The following DGKB variants were observed in gnomAD, a reference collection of about 807,000 sequenced individuals.
DGKB encodes the protein diacylglycerol kinase beta.
Under a neutral mutation model 114.3 loss-of-function variants are expected in DGKB, and 67 were observed. The observed-to-expected ratio is 0.59, with a 90% confidence interval of 0.48 to 0.72. The LOEUF is 0.72. DGKB is among the 30% of genes least tolerant of loss of function. The probability of loss-of-function intolerance (pLI) is 0.00; values close to 1 mark genes in which losing one functional copy is unlikely to be tolerated. For synonymous variants in DGKB, 398 were observed against 323.1 expected (o/e 1.23, Z -2.49); for missense variants, 907 against 975.2 (o/e 0.93, Z 0.93).
At chr7:14,439,842 A>G (rs196748) in intron 21 of DGKB, among the ~76,000 whole-genome samples, 134,402 of 145,030 alleles carry the variant, frequency 0.93, 62,831 homozygotes, top group Non-Finnish European at 1. Context: ...TCCAGCCTGG[A>G]CGACAGAGTG....
intron 1 of DGKB, among the ~76,000 whole-genome samples, chr7:14,966,659 T>C (rs886919640): frequency 2.0e-5 from 3 of 152,094 alleles, no homozygotes; most frequent in Non-Finnish European, 4.4e-5. Context: ...CTGCTTCCAT[T>C]AGAACAGACT....
At chr7:14,158,526 T>A (rs1783384251) in intron 25 of DGKB, among the ~76,000 whole-genome samples, 1 of 152,202 alleles carries the variant, frequency 6.6e-6, no homozygotes, top group East Asian at 1.9e-4. Flanking sequence ...ATTTCTAGAC[T>A]CAGCCATAAC....
At position 14,785,511 on chromosome 7, in the gene DGKB, A is replaced by T. The variant is rs547710897; in HGVS notation, c.71-27780T>A. The stretch of plus-strand genomic sequence containing the variant: ...AAACCTCAAACGTCATGACTAAATT[A>T]AATTAAATTAAATTATATCCATTCA... On this transcript the variant is annotated intron_variant, in intron 2 of 25. Transcript: ENST00000402815. Among the ~76,000 whole-genome samples the T allele has an allele frequency of 3.7e-4, 57 of 152,262 alleles. No individual in the cohort carries two copies. The South Asian group carries it at 0.011, about 29-fold the overall frequency.
At chr7:14,507,215 A>G (rs974182086) in intron 20 of DGKB, among the ~76,000 whole-genome samples, 4 of 152,182 alleles carry the variant, frequency 2.6e-5, no homozygotes, top group African/African-American at 7.2e-5. Flanking sequence ...ACCTCACTCA[A>G]TGACATCTAA....
At chr7:14,208,611 A>G (rs1388655586) in intron 23 of DGKB, among the ~76,000 whole-genome samples, 1 of 152,002 alleles carries the variant, frequency 6.6e-6, no homozygotes, top group African/African-American at 2.4e-5. Context: ...ATATACTAGT[A>G]TTTCTGTATT....
intron 1 of DGKB, among the ~76,000 whole-genome samples, chr7:14,915,147 G>A (rs1199049094): frequency 6.6e-6 from 1 of 152,090 alleles, no homozygotes; most frequent in African/African-American, 2.4e-5. Context: ...TGAGAGAATT[G>A]TTTGAGCTGA....
intron 13 of DGKB, among the ~76,000 whole-genome samples, chr7:14,648,017 G>C: frequency 6.6e-6 from 1 of 152,182 alleles, no homozygotes; most frequent in Non-Finnish European, 1.5e-5. Context: ...CTCGCTGATT[G>C]CTAGCACAGC....
At chr7:14,843,586 G>A (rs1166688595) in intron 1 of DGKB, among the ~76,000 whole-genome samples, 3 of 151,106 alleles carry the variant, frequency 2.0e-5, no homozygotes, top group Non-Finnish European at 3.0e-5. Flanking sequence ...CACCCGCCTC[G>A]GCCTCCCAAA....
chr7:14,361,572 T>C (rs1165379972), intron 21 of DGKB, among the ~76,000 whole-genome samples: 1 of 152,010 alleles, frequency 6.6e-6, no homozygotes, highest in East Asian at 1.9e-4. Context: ...CATAAACTAA[T>C]TGACAGATGT....
chr7:14,733,850 G>C (rs1382428054), intron 5 of DGKB, among the ~76,000 whole-genome samples: 1 of 151,808 alleles, frequency 6.6e-6, no homozygotes, highest in Non-Finnish European at 1.5e-5. Flanking sequence ...AGGAAGGAAA[G>C]AAGGAAGGAA....
chr7:14,188,302 AAAT>A (rs778239420), intron 23 of DGKB, among the ~76,000 whole-genome samples: 8 of 152,150 alleles, frequency 5.3e-5, no homozygotes, highest in Non-Finnish European at 1.0e-4. Context: ...TTATTTAACG[AAAT>A]AATAGCTGAA....
chr7:14,592,637 G>A (rs1452217699), intron 17 of DGKB, among the ~76,000 whole-genome samples: 1 of 151,580 alleles, frequency 6.6e-6, no homozygotes, highest in Non-Finnish European at 1.5e-5. Flanking sequence ...ACATACCTTG[G>A]TATCATTGAT....
At position 14,498,441 on chromosome 7, in the gene DGKB, G is replaced by A. The variant is rs940911404; in HGVS notation, c.1771-20216C>T. ...AAAAGTCATCAAATTTTAAAAACTT[G>A]AGTGATCTGTAGAAAGTCAAGACCA... On this transcript the variant is annotated intron_variant, in intron 20 of 25. Transcript: ENST00000402815. Among the ~76,000 whole-genome samples, 3 of 151,732 alleles carry A rather than the reference G, an allele frequency of 2.0e-5. No homozygotes were observed. The Admixed American group carries it at 2.0e-4, about 10-fold the overall frequency.
At chr7:14,468,111 A>T (rs924114904) in intron 21 of DGKB, among the ~76,000 whole-genome samples, 2 of 152,200 alleles carry the variant, frequency 1.3e-5, no homozygotes, top group Non-Finnish European at 2.9e-5. Context: ...TAAATTTCAT[A>T]TCAAATTAAC....
intron 23 of DGKB, among the ~76,000 whole-genome samples, chr7:14,199,044 C>T (rs1584403849): frequency 6.6e-6 from 1 of 152,130 alleles, no homozygotes; most frequent in Non-Finnish European, 1.5e-5. Context: ...GACCCAGTTA[C>T]CCTATCTCTA....
In DGKB at chr7:14,698,075, G is replaced by C. The variant is rs747613319; in HGVS notation, c.591+20C>G. The C allele has an allele frequency of 6.3e-6, 9 of 1,427,372 alleles. No homozygotes were observed. In the African/African-American group the frequency reaches 1.2e-4, roughly 18 times the overall value. The allele number at this position is 1,427,372 out of a possible 1,614,324, so 88.4% of individuals were successfully genotyped here. On this transcript the variant is annotated intron_variant, in intron 8 of 25. Coordinates refer to ENST00000402815, the MANE Select transcript of DGKB (RefSeq NM_001350709.2). ...GGCCTTCCAGAATTTAGCCAATAGT[G>C]AAATCATTCATATACCTACTGGATT...
chr7:14,614,656 A>G (rs548468172), intron 15 of DGKB, among the ~76,000 whole-genome samples: 1 of 152,166 alleles, frequency 6.6e-6, no homozygotes, highest in African/African-American at 2.4e-5. Context: ...GTAAAATGGC[A>G]TTTTTCTAAT....
intron 20 of DGKB, among the ~76,000 whole-genome samples, chr7:14,517,411 A>G (rs1788999822): frequency 6.6e-6 from 1 of 152,036 alleles, no homozygotes; most frequent in African/African-American, 2.4e-5. Context: ...AGATTTCACA[A>G]CGAAGACACC....
At chr7:14,270,074 AAGAG>A (rs1365775041) in intron 23 of DGKB, among the ~76,000 whole-genome samples, 10 of 147,056 alleles carry the variant, frequency 6.8e-5, no homozygotes, top group African/African-American at 1.2e-4. Context: ...AAAAAAAAAA[AAGAG>A]AGAGATTCCT....
Sources: allele counts gnomAD v4.1 joint callset (sites outside exome capture counted in the v4.1 genomes callset), GRCh38; gene constraint gnomAD v4.1.1; transcripts MANE v1.5; gene names NCBI Gene and HGNC (gene_info 2026-07-23, HGNC 2026-07-21).